Variants in DLGAP2 observed in about 807,000 individuals in gnomAD.
DLGAP2 encodes the protein DLG associated protein 2.
DLGAP2 carries 26 observed loss-of-function variants against 100.3 expected under a neutral mutation model. The ratio of observed to expected loss-of-function variants is 0.26; its 90% confidence interval spans 0.19 to 0.36. The LOEUF is 0.36. Ranked by LOEUF, DLGAP2 falls within the 10% of genes least tolerant of loss-of-function variation. The pLI is 1.00. For synonymous variants in DLGAP2, 886 were observed against 630.1 expected, an observed-to-expected ratio of 1.41 and a Z score of -6.08; for missense variants, 1,858 against 1,453.2, an observed-to-expected ratio of 1.28 and a Z score of -4.53.
At chr8:859,275 C>A (rs1191163789) in intron 1 of DLGAP2, among the ~76,000 whole-genome samples, 1 of 152,046 alleles carries the variant, frequency 6.6e-6, no homozygotes, top group South Asian at 2.1e-4. Flanking sequence ...CGAAGCCTGG[C>A]TAATTTTTGT....
At chr8:1,656,218 G>C (rs967303141) in intron 8 of DLGAP2, among the ~76,000 whole-genome samples, 3 of 152,078 alleles carry the variant, frequency 2.0e-5, no homozygotes, top group Non-Finnish European at 1.5e-5. Flanking sequence ...GCTGAGGCTG[G>C]AGAATTGCTT....
chr8:1,426,934 C>T (rs904362848), intron 3 of DLGAP2, among the ~76,000 whole-genome samples: 4 of 152,008 alleles, frequency 2.6e-5, no homozygotes, highest in Non-Finnish European at 5.9e-5. Context: ...ATACAAGAAA[C>T]AGCAGTGAAC....
chr8:1,538,213 C>G (rs184634467), intron 4 of DLGAP2, among the ~76,000 whole-genome samples: 1 of 152,270 alleles, frequency 6.6e-6, no homozygotes, highest in East Asian at 1.9e-4. Context: ...ATTCTCAATT[C>G]TCTCTTCTTT....
intron 2 of DLGAP2, among the ~76,000 whole-genome samples, chr8:972,071 C>T (rs930902837): frequency 1.3e-5 from 2 of 152,084 alleles, no homozygotes; most frequent in Non-Finnish European, 2.9e-5. Flanking sequence ...CTTGGGGAAA[C>T]CAAAAGTTGT....
At chr8:1,333,937 C>T (rs11778636) in intron 3 of DLGAP2, among the ~76,000 whole-genome samples, 1,792 of 152,344 alleles carry the variant, frequency 0.012, 16 homozygotes, top group Admixed American at 0.019. Context: ...CTGCTGAAGG[C>T]GCATATGCGG....
chr8:1,517,301 T>C (rs570741848), intron 4 of DLGAP2, among the ~76,000 whole-genome samples: 1 of 152,166 alleles, frequency 6.6e-6, no homozygotes, highest in South Asian at 2.1e-4. Context: ...GAGTTAGACC[T>C]GGAGTGGCCA....
Position 1,704,114 on chromosome 8 carries a change from G to A in DLGAP2, c.*2708G>A, listed in dbSNP as rs1034469592. On this transcript the variant is annotated 3_prime_UTR_variant, in exon 15 of 15. Transcript: ENST00000637795. The stretch of plus-strand genomic sequence containing the variant: ...AAATAAAACTGTTTATGATACTTGT[G>A]TTAGTCACTCGAGCTAGCTTATTTC... The A allele has an allele frequency of 1.3e-5, 2 of 152,632 alleles. No homozygotes were observed. The highest frequency in any genetic ancestry group is 2.9e-5 in the Non-Finnish European group (2 of 68,038). The allele number at this position is 152,632 out of a possible 1,614,324, so 9.5% of individuals were successfully genotyped here.
intron 3 of DLGAP2, among the ~76,000 whole-genome samples, chr8:1,328,808 T>G (rs1214135697): frequency 2.0e-5 from 3 of 152,302 alleles, no homozygotes; most frequent in Admixed American, 2.0e-4. Flanking sequence ...ATCGGGGTGT[T>G]TATGCAGAGC....
Position 1,317,057 on chromosome 8 carries a change from C to T in DLGAP2, c.106+58174C>T, listed in dbSNP as rs563454185. 2.4e-4 allele frequency among the ~76,000 whole-genome samples: 30 copies of T among 125,500 alleles called. No homozygotes were observed. The East Asian group carries it at 6.7e-3, about 28-fold the overall frequency. 82.3% of individuals were successfully genotyped at this position (125,500 alleles called of 152,430 possible). A position where few individuals can be genotyped will look rare whatever the true frequency, so the allele number is the denominator to read the frequency against. On this transcript the variant is annotated intron_variant, in intron 3 of 14. Coordinates refer to ENST00000637795, the MANE Select transcript of DLGAP2 (RefSeq NM_001346810.2). ...TAGAGCGTGTGCGAGTGCAGCGTCT[C>T]TCCAACAGTGGTCTACACTCGAGAC...
intron 12 of DLGAP2, among the ~76,000 whole-genome samples, chr8:1,683,243 G>A (rs1015446057): frequency 6.6e-6 from 1 of 151,656 alleles, no homozygotes; most frequent in African/African-American, 2.4e-5. Context: ...GGAGAAGGTG[G>A]CACTGTGCTG....
At chr8:1,517,132 C>G (rs1800419640) in intron 4 of DLGAP2, among the ~76,000 whole-genome samples, 1 of 152,124 alleles carries the variant, frequency 6.6e-6, no homozygotes, top group Admixed American at 6.5e-5. Flanking sequence ...AAGACATGAG[C>G]TGGGGACCCC....
At chr8:1,373,091 A>AC (rs1174878152) in intron 3 of DLGAP2, among the ~76,000 whole-genome samples, 1 of 151,484 alleles carries the variant, frequency 6.6e-6, no homozygotes, top group Non-Finnish European at 1.5e-5. Context: ...GTGAGTGATG[A>AC]CCCCGAGACC....
At chr8:976,124 A>G (rs1431601206) in intron 2 of DLGAP2, among the ~76,000 whole-genome samples, 1 of 152,218 alleles carries the variant, frequency 6.6e-6, no homozygotes, top group Admixed American at 6.5e-5. Context: ...ACTTAGGTAT[A>G]AATCCAAGAA....
At chr8:1,191,633 C>G (rs1563243213) in intron 2 of DLGAP2, among the ~76,000 whole-genome samples, 1 of 149,810 alleles carries the variant, frequency 6.7e-6, no homozygotes, top group African/African-American at 2.4e-5. Flanking sequence ...TGGGTCCGTT[C>G]TCTGTTGCAA....
intron 3 of DLGAP2, chr8:1,380,972 C>G (rs1796080996): frequency 7.4e-6 from 1 of 135,420 alleles, no homozygotes; most frequent in South Asian, 2.3e-4. Flanking sequence ...ACCCAAAAGG[C>G]CAAAAAGGAA....
chr8:853,544 A>T (rs931770911), intron 1 of DLGAP2, among the ~76,000 whole-genome samples: 2 of 152,146 alleles, frequency 1.3e-5, no homozygotes, highest in African/African-American at 4.8e-5. Context: ...TCTCAGATGA[A>T]GCCCAGGGCC....
chr8:1,417,102 T>TG (rs1452405796), intron 3 of DLGAP2, among the ~76,000 whole-genome samples: 4 of 16,236 alleles, frequency 2.5e-4, no homozygotes, highest in Admixed American at 5.8e-4. Context: ...GATGGGGGGG[T>TG]GGGGGGGAGA....
intron 2 of DLGAP2, among the ~76,000 whole-genome samples, chr8:1,115,227 C>G (rs1160423426): frequency 6.6e-6 from 1 of 152,218 alleles, no homozygotes; most frequent in Non-Finnish European, 1.5e-5. Flanking sequence ...ATGTGGAGTT[C>G]AGATCCTGAA....
At chr8:1,272,831 C>G (rs999389319) in intron 3 of DLGAP2, among the ~76,000 whole-genome samples, 2 of 152,162 alleles carry the variant, frequency 1.3e-5, no homozygotes, top group African/African-American at 2.4e-5. Context: ...CTGCAAGTCC[C>G]TGTCACTGTT....
Sources: gnomAD v4.1 joint callset for allele counts (sites outside exome capture counted in the v4.1 genomes callset) on GRCh38, gnomAD v4.1.1 for gene constraint, MANE v1.5 for transcripts, NCBI Gene and HGNC (gene_info 2026-07-23, HGNC 2026-07-21) for gene names.